Variants in ATXN7L1 observed in about 807,000 individuals in gnomAD.
ATXN7L1 encodes the protein ataxin 7 like 1.
In ATXN7L1, 15 loss-of-function variants were observed where a neutral mutation model predicts 70.8. The ratio of observed to expected loss-of-function variants is 0.21; its 90% CI spans 0.14 to 0.33. ATXN7L1 has a LOEUF of 0.33. Among genes scored for constraint, ATXN7L1 ranks in the 10% least tolerant of loss-of-function variants. The pLI is 1.00. For missense variants in ATXN7L1, 975 were observed against 1,097.1 expected, an observed-to-expected ratio of 0.89 and a Z score of 1.57; for synonymous variants, 440 against 445.1, an observed-to-expected ratio of 0.99 and a Z score of 0.14.
chr7:105,700,011 C>G (rs1412585727), intron 3 of ATXN7L1, among the ~76,000 whole-genome samples: 1 of 152,096 alleles, frequency 6.6e-6, no homozygotes, highest in African/African-American at 2.4e-5. Flanking sequence ...TGGACCATGG[C>G]GTGGAGCTGA....
chr7:105,638,376 T>A lies in ATXN7L1; in HGVS notation c.1179A>T (p.Arg393Ser). Residue 393 changes from arginine (R) to serine (S), a missense_variant, in exon 7 of 12, where the codon AGA (arginine) becomes AGT (serine). Coordinates refer to ENST00000419735, the MANE Select transcript of ATXN7L1 (RefSeq NM_020725.2). ...ACCTAGGAAGTACAGAGTTGGGTGGTCTGGATTTTGCAGGGGATGCAACTT... is the reference window on the plus strand; with the variant it reads ...ACCTAGGAAGTACAGAGTTGGGTGGACTGGATTTTGCAGGGGATGCAACTT... ...EPKVASPAKSRPPNSVLPRPS... is the reference protein window; with the variant it reads ...EPKVASPAKSSPPNSVLPRPS... The A allele has an allele frequency of 6.4e-7, 1 of 1,551,936 alleles. No homozygotes were observed.
chr7:105,826,116 C>T (rs1340001622), intron 2 of ATXN7L1, among the ~76,000 whole-genome samples: 1 of 152,152 alleles, frequency 6.6e-6, no homozygotes, highest in Non-Finnish European at 1.5e-5. Flanking sequence ...AAGTGGTTGC[C>T]TCTAGGGAGA....
At chr7:105,863,576 C>G (rs1287230775) in intron 2 of ATXN7L1, among the ~76,000 whole-genome samples, 2 of 152,192 alleles carry the variant, frequency 1.3e-5, no homozygotes, top group African/African-American at 4.8e-5. Flanking sequence ...AGTCCTAACC[C>G]TGCTCCTAGG....
At chr7:105,668,337 G>A (rs1802973457) in intron 3 of ATXN7L1, among the ~76,000 whole-genome samples, 1 of 152,114 alleles carries the variant, frequency 6.6e-6, no homozygotes, top group African/African-American at 2.4e-5. Flanking sequence ...AGGTTCAAGC[G>A]ATCCTCCCAA....
intron 11 of ATXN7L1, among the ~76,000 whole-genome samples, chr7:105,608,136 G>A (rs1245057396): frequency 6.6e-6 from 1 of 152,216 alleles, no homozygotes; most frequent in East Asian, 1.9e-4. Flanking sequence ...GAAAACACAA[G>A]GACGAATGCC....
intron 2 of ATXN7L1, among the ~76,000 whole-genome samples, chr7:105,795,555 T>G (rs1326908788): frequency 6.6e-6 from 1 of 152,174 alleles, no homozygotes; most frequent in Admixed American, 6.5e-5. Flanking sequence ...TTTGACATTA[T>G]GAAGCAACAA....
chr7:105,850,239 G>T (rs1177798849), intron 2 of ATXN7L1, among the ~76,000 whole-genome samples: 1 of 152,192 alleles, frequency 6.6e-6, no homozygotes, highest in Non-Finnish European at 1.5e-5. Context: ...CCCTGCCTAG[G>T]GCCCTGGTTT....
chr7:105,875,634 C>CG (rs1563164686), intron 2 of ATXN7L1, among the ~76,000 whole-genome samples, 178 bp downstream of exon 2: 2 of 126,144 alleles, frequency 1.6e-5, no homozygotes, highest in Non-Finnish European at 3.5e-5. Flanking sequence ...TTTACCCCCC[C>CG]CCCAGTTGTA....
At chr7:105,799,053 C>G (rs968649298) in intron 2 of ATXN7L1, among the ~76,000 whole-genome samples, 1 of 152,202 alleles carries the variant, frequency 6.6e-6, no homozygotes, top group Non-Finnish European at 1.5e-5. Context: ...ATCCATCTAC[C>G]ACAGACAGAG....
intron 3 of ATXN7L1, among the ~76,000 whole-genome samples, chr7:105,746,315 T>G (rs1038842063): frequency 6.6e-6 from 1 of 152,172 alleles, no homozygotes; most frequent in African/African-American, 2.4e-5. Context: ...AGGGCTTCTG[T>G]GTCACTTATA....
At chr7:105,694,636 T>G (rs1791474123) in intron 3 of ATXN7L1, among the ~76,000 whole-genome samples, 1 of 152,168 alleles carries the variant, frequency 6.6e-6, no homozygotes. Flanking sequence ...AGCTTCATTA[T>G]TCACAAAGCA....
At chr7:105,672,159 G>A (rs147911740) in intron 3 of ATXN7L1, among the ~76,000 whole-genome samples, 6,050 of 151,928 alleles carry the variant, frequency 0.04, 156 homozygotes, top group Middle Eastern at 0.065. Flanking sequence ...GATGGCAGGC[G>A]CTTGTAATCC....
At chr7:105,619,776 G>A (rs549278558) in intron 9 of ATXN7L1, among the ~76,000 whole-genome samples, 7 of 151,332 alleles carry the variant, frequency 4.6e-5, no homozygotes, top group South Asian at 2.1e-4. Context: ...CAGGCTGATC[G>A]CAAACTCCTG....
chr7:105,765,675 G>C (rs1489925749), intron 3 of ATXN7L1, among the ~76,000 whole-genome samples: 4 of 152,212 alleles, frequency 2.6e-5, no homozygotes, highest in Non-Finnish European at 5.9e-5. Flanking sequence ...AGCTTAAACT[G>C]TGGGATTTAT....
At chr7:105,708,787 A>G (rs954940212) in intron 3 of ATXN7L1, among the ~76,000 whole-genome samples, 12 of 152,222 alleles carry the variant, frequency 7.9e-5, no homozygotes, top group African/African-American at 2.9e-4. Flanking sequence ...ATTCTGGGAC[A>G]TTCTTCTTTT....
At chr7:105,692,408 T>TC (rs1791049825) in intron 3 of ATXN7L1, among the ~76,000 whole-genome samples, 2 of 120,318 alleles carry the variant, frequency 1.7e-5, no homozygotes, top group Admixed American at 9.5e-5. Flanking sequence ...CTTCCTTCCT[T>TC]CCTTCCTTCC....
At chr7:105,711,050 G>A (rs1400284852) in intron 3 of ATXN7L1, among the ~76,000 whole-genome samples, 2 of 152,270 alleles carry the variant, frequency 1.3e-5, no homozygotes, top group East Asian at 3.9e-4. Context: ...ACAGCATGGG[G>A]GAAACCGCCC....
intron 3 of ATXN7L1, among the ~76,000 whole-genome samples, chr7:105,667,834 A>G (rs1802897708): frequency 6.6e-6 from 1 of 152,170 alleles, no homozygotes; most frequent in South Asian, 2.1e-4. Flanking sequence ...CTTCAAGTCT[A>G]TCGACTTTCT....
At chr7:105,651,637 A>C (rs1265660605) in intron 4 of ATXN7L1, among the ~76,000 whole-genome samples, 1 of 152,176 alleles carries the variant, frequency 6.6e-6, no homozygotes, top group Non-Finnish European at 1.5e-5. Context: ...GGCCAGATTC[A>C]ATGGCCCTTT....
Sources: allele counts gnomAD v4.1 joint callset (sites outside exome capture counted in the v4.1 genomes callset), GRCh38; gene constraint gnomAD v4.1.1; transcripts MANE v1.5; gene names NCBI Gene and HGNC (gene_info 2026-07-23, HGNC 2026-07-21).